CPEB1: variants seen among roughly 807,000 people sequenced by gnomAD.
CPEB1 encodes cytoplasmic polyadenylation element binding protein 1, also known as cytoplasmic polyadenylation element-binding protein 1.
Under a neutral mutation model 65.8 loss-of-function variants are expected in CPEB1, and 7 were observed. The observed-to-expected ratio is 0.11, with a 90% CI of 0.06 to 0.20. The LOEUF is 0.20. Among genes scored for constraint, CPEB1 ranks in the 10% least tolerant of loss-of-function variants. The pLI is 1.00. For missense variants in CPEB1, 551 were observed against 712.2 expected (o/e 0.77, Z 2.58); for synonymous variants, 262 against 260.0 (o/e 1.01, Z -0.08).
intron 3 of CPEB1, among the ~76,000 whole-genome samples, chr15:82,617,027 C>A (rs755924978): frequency 6.6e-6 from 1 of 152,122 alleles, no homozygotes; most frequent in Non-Finnish European, 1.5e-5. Flanking sequence ...CAAGTTCTGC[C>A]CCAAAAGTTT....
At chr15:82,637,288 G>T (rs1327661687) in intron 1 of CPEB1, among the ~76,000 whole-genome samples, 1 of 152,166 alleles carries the variant, frequency 6.6e-6, no homozygotes, top group East Asian at 1.9e-4. Flanking sequence ...TCACCAATTT[G>T]ACACAGCTTC....
intron 3 of CPEB1, among the ~76,000 whole-genome samples, chr15:82,586,528 CCTT>C (rs1356960648): frequency 9.9e-5 from 15 of 152,142 alleles, no homozygotes; most frequent in Admixed American, 3.9e-4. Flanking sequence ...TTTGATCTCT[CCTT>C]CTCTGCGTTT....
intron 1 of CPEB1, among the ~76,000 whole-genome samples, chr15:82,639,106 G>A (rs775317543): frequency 6.6e-6 from 1 of 152,176 alleles, no homozygotes; most frequent in Non-Finnish European, 1.5e-5. Context: ...ACCTAGCTTG[G>A]AGAACTGCTG....
intron 3 of CPEB1, among the ~76,000 whole-genome samples, chr15:82,587,865 T>C (rs1241950863): frequency 1.3e-5 from 2 of 152,164 alleles, no homozygotes; most frequent in Non-Finnish European, 2.9e-5. Context: ...CATTGAGAAG[T>C]AGTTCAGTAC....
At chr15:82,627,465 G>A in intron 2 of CPEB1, 98 bp from the exon 3 acceptor site, 2 of 902,336 alleles carry the variant, frequency 2.2e-6, no homozygotes, top group Non-Finnish European at 3.3e-6. Context: ...AAGGACTTAA[G>A]TATCTTCTTT....
At chr15:82,614,877 G>T (rs371364616) in intron 3 of CPEB1, among the ~76,000 whole-genome samples, 2 of 126,712 alleles carry the variant, frequency 1.6e-5, no homozygotes, top group Admixed American at 1.6e-4. Context: ...GTGTGTGTGT[G>T]TGTATATATA....
chr15:82,609,692 C>T (rs888946557), intron 3 of CPEB1, among the ~76,000 whole-genome samples: 1 of 149,136 alleles, frequency 6.7e-6, no homozygotes, highest in African/African-American at 2.5e-5. Flanking sequence ...AACTGATAAA[C>T]CTTGAGCTAG....
rs1284829420 is a variant in CPEB1 at position 82,544,517 on chromosome 15, T to C, written c.*75A>G. 9 of 1,083,248 alleles carry C rather than the reference T, an allele frequency of 8.3e-6. No homozygotes were observed. The highest frequency in any genetic ancestry group is 2.4e-5 in the East Asian group (1 of 41,368). 67.1% of individuals were successfully genotyped at this position (1,083,248 alleles called of 1,614,324 possible). A position where few individuals can be genotyped will look rare whatever the true frequency, so the allele number is the denominator to read the frequency against. On this transcript the variant is annotated 3_prime_UTR_variant, in exon 13 of 13. Transcript: ENST00000684509. ...GGGAAGCCAGCTCCCTGGTCGCCAG[T>C]GGCAGGGTGGTGCAGGCTGCTTGCC...
intron 3 of CPEB1, among the ~76,000 whole-genome samples, chr15:82,579,922 A>G (rs1295241980): frequency 4.6e-5 from 1 of 21,760 alleles, no homozygotes; most frequent in Non-Finnish European, 7.5e-5. Flanking sequence ...CCGTCTCAAA[A>G]AAAAAAAAAA....
At chr15:82,562,673 T>TA (rs1024453505) in intron 4 of CPEB1, among the ~76,000 whole-genome samples, 4 of 151,336 alleles carry the variant, frequency 2.6e-5, no homozygotes, top group East Asian at 1.9e-4. Flanking sequence ...GGCCTGTCTC[T>TA]AAAAAAAATA....
At chr15:82,611,006 A>G (rs2044104004) in intron 3 of CPEB1, among the ~76,000 whole-genome samples, 1 of 148,906 alleles carries the variant, frequency 6.7e-6, no homozygotes, top group Non-Finnish European at 1.5e-5. Flanking sequence ...AGAAAAAAAA[A>G]TCCTCAACTT....
At chr15:82,641,671 C>T (rs554018403) in intron 1 of CPEB1, 1 of 151,306 alleles carries the variant, frequency 6.6e-6, no homozygotes, top group South Asian at 2.1e-4. Context: ...CAGGGGAACT[C>T]ATCACGAATG....
intron 1 of CPEB1, among the ~76,000 whole-genome samples, chr15:82,642,106 G>T (rs75378533): frequency 6.6e-6 from 1 of 152,202 alleles, no homozygotes; most frequent in East Asian, 1.9e-4. Context: ...CACTGTTGGG[G>T]CAGGTCCTAT....
At chr15:82,569,324 G>C (rs1048856549) in intron 4 of CPEB1, among the ~76,000 whole-genome samples, 6 of 152,132 alleles carry the variant, frequency 3.9e-5, no homozygotes, top group African/African-American at 1.4e-4. Context: ...GCAACATGAC[G>C]ATTAGGGATG....
Position 82,628,510 on chromosome 15 carries a change from T to C in CPEB1, c.-51A>G, listed in dbSNP as rs1177358981. The C allele has an allele frequency of 1.4e-6, 1 of 699,552 alleles. No homozygotes were observed. The highest frequency in any genetic ancestry group is 2.6e-6 in the Non-Finnish European group (1 of 384,048). The allele number at this position is 699,552 out of a possible 1,614,324, so 43.3% of individuals were successfully genotyped here. On this transcript the variant is annotated 5_prime_UTR_variant, in exon 2 of 13. Transcript: ENST00000684509. ...GGGTTCCGATTATTCAAGGCTGCTT[T>C]TGACTTCTTTTACAATACAGACCCT...
intron 3 of CPEB1, among the ~76,000 whole-genome samples, chr15:82,577,859 G>C (rs2040832506): frequency 1.3e-5 from 2 of 152,166 alleles, no homozygotes; most frequent in Non-Finnish European, 2.9e-5. Context: ...AGCTATATTG[G>C]GCCAGGCACG....
intron 1 of CPEB1, among the ~76,000 whole-genome samples, chr15:82,640,403 G>A (rs1296414007): frequency 6.6e-6 from 1 of 152,078 alleles, no homozygotes; most frequent in East Asian, 1.9e-4. Context: ...GGACTACCAG[G>A]TCATAAGCTA....
At chr15:82,608,499 G>C (rs1358245554) in intron 3 of CPEB1, among the ~76,000 whole-genome samples, 1 of 152,116 alleles carries the variant, frequency 6.6e-6, no homozygotes, top group Non-Finnish European at 1.5e-5. Flanking sequence ...TGGTTTTCAG[G>C]GTTGTAGTAG....
At chr15:82,551,439 C>A (rs1348689610) in intron 9 of CPEB1, among the ~76,000 whole-genome samples, 1 of 152,136 alleles carries the variant, frequency 6.6e-6, no homozygotes, top group East Asian at 1.9e-4. Context: ...TGGTTTGCAT[C>A]AGAGTTCACT....
Sources: allele counts gnomAD v4.1 joint callset (sites outside exome capture counted in the v4.1 genomes callset), GRCh38; gene constraint gnomAD v4.1.1; transcripts MANE v1.5; gene names NCBI Gene and HGNC (gene_info 2026-07-23, HGNC 2026-07-21).